Variants in PLAC8 observed in about 807,000 individuals in gnomAD.
PLAC8 encodes the protein placenta-specific gene 8 protein.
Under a neutral mutation model 12.6 loss-of-function variants are expected in PLAC8, and 6 were observed. The ratio of observed to expected loss-of-function variants is 0.48; its 90% CI spans 0.26 to 0.94. The LOEUF (loss-of-function observed/expected upper bound fraction) is 0.94, where lower values mean the gene tolerates loss of function less well. Among genes scored for constraint, PLAC8 ranks in the 40% least tolerant of loss-of-function variants. PLAC8 has a pLI of 0.14. For missense variants in PLAC8, 122 were observed against 152.7 expected (o/e 0.80, Z 1.06); for synonymous variants, 54 against 52.6 (o/e 1.03, Z -0.11).
At chr4:83,100,581 C>T (rs769148588) in intron 3 of PLAC8, among the ~76,000 whole-genome samples, 2 of 151,866 alleles carry the variant, frequency 1.3e-5, no homozygotes, top group South Asian at 2.1e-4. Flanking sequence ...ATACCGACAG[C>T]AAATTTAATT....
intron 1 of PLAC8, among the ~76,000 whole-genome samples, chr4:83,111,122 T>C (rs1283146176): frequency 2.0e-5 from 3 of 152,132 alleles, no homozygotes; most frequent in Non-Finnish European, 2.9e-5. Flanking sequence ...CACACCACCA[T>C]GCCTGGCTAA....
chr4:83,113,320 G>C (rs1432745971), intron 1 of PLAC8, among the ~76,000 whole-genome samples: 1 of 152,156 alleles, frequency 6.6e-6, no homozygotes, highest in Non-Finnish European at 1.5e-5. Flanking sequence ...CGCATTCCCG[G>C]GAGCACATTC....
At chr4:83,092,985 C>T (rs1476888448) in intron 4 of PLAC8, 2 of 151,532 alleles carry the variant, frequency 1.3e-5, no homozygotes, top group Non-Finnish European at 1.5e-5. Flanking sequence ...TTTCAAGAGA[C>T]AGGGTTTCAA....
intron 4 of PLAC8, among the ~76,000 whole-genome samples, chr4:83,091,455 G>A (rs1225456996): frequency 6.6e-6 from 1 of 152,162 alleles, no homozygotes; most frequent in African/African-American, 2.4e-5. Flanking sequence ...AGGTTTTGGG[G>A]AGAAGACCAC....
At chr4:83,104,446 TAATGG>T (rs1732187960) in intron 3 of PLAC8, among the ~76,000 whole-genome samples, 1 of 152,178 alleles carries the variant, frequency 6.6e-6, no homozygotes, top group African/African-American at 2.4e-5. Context: ...GGAGTTGGTG[TAATGG>T]AAAGTGTATG....
Position 83,094,741 on chromosome 4 carries a change from A to G in PLAC8, c.294T>C (p.Thr98=). ...TGATATCTCTCTTGATTTGGCAAAG[A>G]GTACAATGAGGACAGCAAAGAGTTG... ...YMATLCCPHC[T]LCQIKRDINR... is the part of the protein sequence containing the mutation. The change falls in exon 4 of 5, where the codon ACT becomes ACC. Residue 98 remains threonine, a synonymous_variant. Transcript: ENST00000311507. 2 of 1,606,606 alleles carry G rather than the reference A, an allele frequency of 1.2e-6. No homozygotes were observed. Among genetic ancestry groups the G allele is most frequent in the Non-Finnish European group, 1.7e-6 (2 of 1,178,052 alleles).
rs911540066 is a variant in PLAC8 at position 83,097,251 on chromosome 4, GTA to G, written c.244-2462_244-2461del. On this transcript the variant is annotated intron_variant, in intron 3 of 4. Transcript: ENST00000311507. The stretch of plus-strand genomic sequence containing the variant: ...GTGGGGTGTGTGTGTGTGTGGGTGT[GTA>G]TGTGTGTGTGTGTGTGATGTTTATA... Among the ~76,000 whole-genome samples the G allele has an allele frequency of 4.6e-5, 7 of 151,890 alleles. No homozygotes were observed. The East Asian group carries it at 9.6e-4, about 21-fold the overall frequency.
At chr4:83,102,495 C>T (rs142878261) in intron 3 of PLAC8, among the ~76,000 whole-genome samples, 4,624 of 152,120 alleles carry the variant, frequency 0.03, 99 homozygotes, top group Non-Finnish European at 0.051. Context: ...GCCGAGACGG[C>T]GCCACTGCAC....
In PLAC8 at chr4:83,105,030, T is replaced by C; in HGVS notation, c.119-10A>G. 1 of 1,613,900 alleles carries C rather than the reference T, an allele frequency of 6.2e-7. No individual in the cohort carries two copies. Among genetic ancestry groups the C allele is most frequent in the Non-Finnish European group, 8.5e-7 (1 of 1,179,910 alleles). ...AATGTGCCACAGAGACCTAGACACA[T>C]GAAACCAGGGGTACATATTACTCCA... On this transcript the variant is annotated splice_polypyrimidine_tract_variant and intron_variant, in intron 2 of 4. Coordinates refer to ENST00000311507, the MANE Select transcript of PLAC8 (RefSeq NM_016619.3).
Position 83,107,929 on chromosome 4 carries a change from G to T in PLAC8, c.-8C>A. 1 of 1,465,508 alleles carries T rather than the reference G, an allele frequency of 6.8e-7. No homozygotes were observed. Among genetic ancestry groups the T allele is most frequent in the Non-Finnish European group, 9.2e-7 (1 of 1,085,892 alleles). 90.8% of individuals were successfully genotyped at this position (1,465,508 alleles called of 1,614,324 possible). On this transcript the variant is annotated 5_prime_UTR_variant, in exon 2 of 5. Coordinates refer to ENST00000311507, the MANE Select transcript of PLAC8 (RefSeq NM_016619.3). ...CGGCGCCTGAGCTTGCATTTTCAGT[G>T]CAGGGCCTTAAAAGCAGTGGACTGA...
intron 1 of PLAC8, among the ~76,000 whole-genome samples, chr4:83,113,859 ATTAG>A (rs937858833): frequency 2.6e-5 from 4 of 152,090 alleles, no homozygotes; most frequent in Non-Finnish European, 4.4e-5. Flanking sequence ...AATTTTATCT[ATTAG>A]TTAAGAATCA....
chr4:83,098,552 G>T (rs1286694817), intron 3 of PLAC8, among the ~76,000 whole-genome samples: 3 of 152,030 alleles, frequency 2.0e-5, no homozygotes, highest in African/African-American at 4.8e-5. Context: ...CATGAAATTT[G>T]GTTTTCTCTT....
chr4:83,106,634 A>AAAAAACC (rs1732248170), intron 2 of PLAC8, among the ~76,000 whole-genome samples: 1 of 152,096 alleles, frequency 6.6e-6, no homozygotes, highest in Admixed American at 6.5e-5. Flanking sequence ...AACAAAAAAC[A>AAAAAACC]AAAACAAGGT....
chr4:83,091,274 T>C (rs1731800315), intron 4 of PLAC8, among the ~76,000 whole-genome samples: 1 of 152,196 alleles, frequency 6.6e-6, no homozygotes, highest in South Asian at 2.1e-4. Context: ...CATACCACAT[T>C]ACATTTAATT....
intron 3 of PLAC8, among the ~76,000 whole-genome samples, chr4:83,099,852 A>C (rs1732043035): frequency 6.6e-6 from 1 of 151,372 alleles, no homozygotes; most frequent in Non-Finnish European, 1.5e-5. Context: ...AAAAAAAAAA[A>C]AAAATTAGAT....
intron 2 of PLAC8, among the ~76,000 whole-genome samples, chr4:83,106,639 C>G (rs1732248232): frequency 1.3e-5 from 2 of 151,916 alleles, no homozygotes; most frequent in South Asian, 4.1e-4. Flanking sequence ...AAAACAAAAA[C>G]AAGGTTCAAT....
intron 3 of PLAC8, among the ~76,000 whole-genome samples, chr4:83,103,587 C>T (rs1292001672): frequency 2.0e-5 from 3 of 152,102 alleles, no homozygotes; most frequent in East Asian, 1.9e-4. Context: ...AAAATGCTAC[C>T]AAATAGCATA....
At chr4:83,091,836 C>CT (rs1232422984) in intron 4 of PLAC8, among the ~76,000 whole-genome samples, 4 of 152,092 alleles carry the variant, frequency 2.6e-5, no homozygotes, top group Admixed American at 6.6e-5. Context: ...AACATACATA[C>CT]TTTTTTTCAA....
chr4:83,107,685 G>A (rs4693563), intron 2 of PLAC8, 119 bp downstream of exon 2: 103,465 of 221,230 alleles, frequency 0.47, 25,817 homozygotes, highest in East Asian at 0.67. Context: ...CTGACATGCA[G>A]AGTGCTTGTA....
Sources: allele counts gnomAD v4.1 joint callset (sites outside exome capture counted in the v4.1 genomes callset), GRCh38; gene constraint gnomAD v4.1.1; transcripts MANE v1.5; gene names NCBI Gene and HGNC (gene_info 2026-07-23, HGNC 2026-07-21).